Variants in HIRA observed in about 807,000 individuals in gnomAD.
HIRA encodes protein HIRA.
HIRA carries 13 observed loss-of-function variants against 126.6 expected under a neutral mutation model. The ratio of observed to expected loss-of-function variants is 0.10; its 90% CI spans 0.07 to 0.16. HIRA has a LOEUF of 0.16. Ranked by LOEUF, HIRA falls within the 10% of genes least tolerant of loss-of-function variation. The pLI is 1.00. For missense variants in HIRA, 834 were observed against 1,314.4 expected, an observed-to-expected ratio of 0.63 and a Z score of 5.65; for synonymous variants, 511 against 520.0, an observed-to-expected ratio of 0.98 and a Z score of 0.24.
At chr22:19,340,221 A>G (rs1210701) in intron 24 of HIRA, among the ~76,000 whole-genome samples, 131,858 of 152,052 alleles carry the variant, frequency 0.87, 58,470 homozygotes, top group Non-Finnish European at 0.96. Context: ...CTTAACGTAC[A>G]CATGTCAATA....
intron 3 of HIRA, 71 bp from the exon 4 acceptor site, chr22:19,407,345 A>G: frequency 8.3e-7 from 1 of 1,201,510 alleles, no homozygotes; most frequent in Non-Finnish European, 1.2e-6. Context: ...AGAGTTTGGC[A>G]AGATGTAAAG....
intron 24 of HIRA, among the ~76,000 whole-genome samples, chr22:19,343,385 C>G (rs2088652259): frequency 6.6e-6 from 1 of 150,376 alleles, no homozygotes; most frequent in Non-Finnish European, 1.5e-5. Context: ...AATCCCACCT[C>G]TACCAAGAAA....
rs1185669171 is a variant in HIRA, at chr22:19,407,186, A to G, written c.300T>C (p.Ala100=). 1.2e-6 allele frequency: 2 copies of G among 1,611,878 alleles called. No homozygotes were observed. The highest frequency in any genetic ancestry group is 1.7e-6 in the Non-Finnish European group (2 of 1,177,974). The change falls in exon 4 of 25, where the codon GCT becomes GCC. Residue 100 remains alanine, a splice_region_variant and synonymous_variant. Coordinates refer to ENST00000263208, the MANE Select transcript of HIRA (RefSeq NM_003325.4). ...GAAGAAAGGAAAATGATGCTTACGT[A>G]GCCCGCTTCCACACCATAATCAGTT... The part of the protein sequence containing the change: ...DDKLIMVWKR[A]TYIGPSTVFG...
intron 18 of HIRA, 55 bp from the exon 19 acceptor site, chr22:19,357,106 C>G: frequency 6.3e-7 from 1 of 1,593,876 alleles, no homozygotes; most frequent in Non-Finnish European, 8.6e-7. Flanking sequence ...GCAGCCAAGA[C>G]AGTAGCCCTG....
chr22:19,391,977 G>C lies in HIRA; in HGVS notation c.936+124C>G, dbSNP rs1234175395. 5 of 495,442 alleles carry C rather than the reference G, an allele frequency of 1.0e-5. No individual in the cohort carries two copies. In the Admixed American group the frequency reaches 1.7e-4, roughly 17 times the overall value. 30.7% of individuals were successfully genotyped at this position (495,442 alleles called of 1,614,324 possible). On this transcript the variant is annotated intron_variant, in intron 9 of 24. Transcript: ENST00000263208. The stretch of plus-strand genomic sequence containing the variant: ...GCCTGTGAGCTTCCAAGGAGGGGCT[G>C]ACCCCAGGTGCAGAATAGAAATACA...
chr22:19,410,085 C>T (rs1052538295), intron 2 of HIRA, among the ~76,000 whole-genome samples: 2 of 152,216 alleles, frequency 1.3e-5, no homozygotes, highest in African/African-American at 4.8e-5. Flanking sequence ...GGGCTGGGCT[C>T]TGTGGAATGC....
At chr22:19,385,019 AG>A (rs1230274185) in intron 12 of HIRA, among the ~76,000 whole-genome samples, 4 of 152,152 alleles carry the variant, frequency 2.6e-5, no homozygotes, top group African/African-American at 9.7e-5. Context: ...GCTTGTAACT[AG>A]GGGTTTTCTC....
rs782112333 is a variant in HIRA, at chr22:19,356,898, G to C, written c.2388C>G (p.Leu796=). The change falls in exon 19 of 25, where the codon CTC becomes CTG. Residue 796 remains leucine (L), a synonymous_variant. Coordinates refer to ENST00000263208, the MANE Select transcript of HIRA (RefSeq NM_003325.4). The part of the protein sequence containing the change: ...YVMALTAAAT[L]SVWDVHRQVV... ...CTGTGCCTGCCTCTCACCAGACAGAGAGTGTGGCTGCAGCGGTGAGCGCCA... is the reference window on the plus strand; with the variant it reads ...CTGTGCCTGCCTCTCACCAGACAGACAGTGTGGCTGCAGCGGTGAGCGCCA... 33 of 1,613,792 alleles carry C rather than the reference G, an allele frequency of 2.0e-5. No homozygotes were observed. In the Admixed American group the frequency reaches 4.7e-4, roughly 23 times the overall value.
chr22:19,394,615 G>C (rs34622271), intron 7 of HIRA, 106 bp from the exon 8 acceptor site: 2 of 1,132,220 alleles, frequency 1.8e-6, no homozygotes, highest in Middle Eastern at 3.0e-4. Context: ...TGTGATGGTG[G>C]AGCATGCACC....
At chr22:19,382,198 G>T (rs1038132737) in intron 13 of HIRA, among the ~76,000 whole-genome samples, 25 of 152,300 alleles carry the variant, frequency 1.6e-4, no homozygotes, top group African/African-American at 6.0e-4. Flanking sequence ...AAAAGGATCA[G>T]GTCCTGATGC....
In HIRA at chr22:19,354,191, A is replaced by G; in HGVS notation, c.2562-73T>C. On this transcript the variant is annotated intron_variant, in intron 21 of 24. Coordinates refer to ENST00000263208, the MANE Select transcript of HIRA (RefSeq NM_003325.4). The stretch of plus-strand genomic sequence containing the variant: ...GGTTGGCCTCTTTGCCAACCAGAGA[A>G]GGCTGGCAAAGAGGCCACAGAGAAG... The G allele has an allele frequency of 6.1e-6, 9 of 1,481,532 alleles. No individual in the cohort carries two copies. In the South Asian group the frequency reaches 1.2e-4, roughly 19 times the overall value. 91.8% of individuals were successfully genotyped at this position (1,481,532 alleles called of 1,614,324 possible). A position where few individuals can be genotyped will look rare whatever the true frequency, so the allele number is the denominator to read the frequency against.
chr22:19,362,003 A>G, intron 15 of HIRA, 72 bp from the exon 16 acceptor site: 2 of 1,469,622 alleles, frequency 1.4e-6, no homozygotes, highest in East Asian at 2.3e-5. Context: ...TGAAATATTT[A>G]AAGTGCTTAA....
intron 15 of HIRA, among the ~76,000 whole-genome samples, chr22:19,369,058 A>G (rs920936116): frequency 8.5e-5 from 13 of 152,180 alleles, no homozygotes; most frequent in African/African-American, 2.4e-4. Flanking sequence ...CAGTTGCCCA[A>G]TGGGTCTAGA....
chr22:19,363,127 G>A (rs568383702), intron 15 of HIRA, among the ~76,000 whole-genome samples: 3 of 151,350 alleles, frequency 2.0e-5, no homozygotes, highest in Admixed American at 6.6e-5. Context: ...CCAGCTACTC[G>A]GCAGGCTGAG....
intron 1 of HIRA, among the ~76,000 whole-genome samples, chr22:19,423,498 C>CACACACACACAG (rs2089464899): frequency 9.0e-6 from 1 of 111,378 alleles, no homozygotes; most frequent in African/African-American, 3.5e-5. Flanking sequence ...CACACACACA[C>CACACACACACAG]ACACACACAC....
At chr22:19,394,567 T>G in intron 7 of HIRA, 58 bp from the exon 8 acceptor site, 4 of 1,548,732 alleles carry the variant, frequency 2.6e-6, no homozygotes, top group Non-Finnish European at 3.5e-6. Context: ...ACCAAAACTC[T>G]GGCCTCGAGG....
chr22:19,412,490 T>G (rs1342467840), intron 1 of HIRA, among the ~76,000 whole-genome samples: 1 of 152,258 alleles, frequency 6.6e-6, no homozygotes, highest in Non-Finnish European at 1.5e-5. Flanking sequence ...CTTTTCTGCT[T>G]AAGCCAGCTT....
In HIRA at chr22:19,431,565, G is replaced by A; in HGVS notation, c.-89C>T. ...GGAGCCACCGCCGCCGCTTCCTCCCGCGCCACCCGCCCTCCGGCCGCCGCC... is the reference window on the plus strand; with the variant it reads ...GGAGCCACCGCCGCCGCTTCCTCCCACGCCACCCGCCCTCCGGCCGCCGCC... On this transcript the variant is annotated 5_prime_UTR_variant, in exon 1 of 25. Coordinates refer to ENST00000263208, the MANE Select transcript of HIRA (RefSeq NM_003325.4). The A allele has an allele frequency of 1.4e-5, 14 of 999,234 alleles. No homozygotes were observed. Among genetic ancestry groups the A allele is most frequent in the Non-Finnish European group, 1.7e-5 (14 of 836,944 alleles). 61.9% of individuals were successfully genotyped at this position (999,234 alleles called of 1,614,324 possible). A position where few individuals can be genotyped will look rare whatever the true frequency, so the allele number is the denominator to read the frequency against.
In HIRA at chr22:19,392,206, G is replaced by A; in HGVS notation, c.831C>T (p.Asn277=). ...HRKAVTVVKF[N]PKIFKKKQKN... ...TCTGCTTCTTTTTGAAGATTTTTGG[G>A]TTGAATTTCTAAAGCCAAATAACAG... The change falls in exon 9 of 25, where the codon AAC becomes AAT. Residue 277 remains asparagine (N), a synonymous_variant. Coordinates refer to ENST00000263208, the MANE Select transcript of HIRA (RefSeq NM_003325.4). 6.2e-7 allele frequency: 1 copy of A among 1,601,138 alleles called. No individual in the cohort carries two copies. The highest frequency in any genetic ancestry group is 8.6e-7 in the Non-Finnish European group (1 of 1,168,972).
Sources: gnomAD v4.1 joint callset for allele counts (sites outside exome capture counted in the v4.1 genomes callset) on GRCh38, gnomAD v4.1.1 for gene constraint, MANE v1.5 for transcripts, NCBI Gene and HGNC (gene_info 2026-07-23, HGNC 2026-07-21) for gene names.